PLCL1: variants seen among roughly 807,000 people sequenced by gnomAD.
PLCL1 encodes inactive phospholipase C-like protein 1.
Under a neutral mutation model 84.4 loss-of-function variants are expected in PLCL1, and 41 were observed. The ratio of observed to expected loss-of-function variants is 0.49; its 90% CI spans 0.38 to 0.63. The LOEUF is 0.63. PLCL1 is among the 30% of genes least tolerant of loss of function. The pLI, the probability that PLCL1 is intolerant of heterozygous loss-of-function variation, is 0.00. For missense variants in PLCL1, 1,206 were observed against 1,367.8 expected (o/e 0.88, Z 1.87); for synonymous variants, 490 against 488.3 (o/e 1.00, Z -0.05).
chr2:198,114,270 A>G (rs1213770195), intron 5 of PLCL1, among the ~76,000 whole-genome samples: 1 of 151,862 alleles, frequency 6.6e-6, no homozygotes, highest in Non-Finnish European at 1.5e-5. Context: ...TAGTAGAGAT[A>G]AAAGCCGGGC....
intron 1 of PLCL1, among the ~76,000 whole-genome samples, chr2:198,080,922 G>T (rs1692696362): frequency 6.6e-6 from 1 of 152,172 alleles, no homozygotes; most frequent in African/African-American, 2.4e-5. Context: ...TCTTTTGCAG[G>T]CTAGATGTAA....
intron 1 of PLCL1, among the ~76,000 whole-genome samples, chr2:197,923,880 G>A (rs1688775781): frequency 1.3e-5 from 2 of 151,332 alleles, no homozygotes; most frequent in Non-Finnish European, 3.0e-5. Flanking sequence ...TGAGCACTGA[G>A]TGAACGAGAC....
At chr2:197,830,380 A>C (rs1162749115) in intron 1 of PLCL1, among the ~76,000 whole-genome samples, 1 of 151,900 alleles carries the variant, frequency 6.6e-6, no homozygotes, top group Non-Finnish European at 1.5e-5. Flanking sequence ...AACATACAAA[A>C]GTATCACTAG....
At chr2:197,908,308 A>G (rs1158386011) in intron 1 of PLCL1, among the ~76,000 whole-genome samples, 1 of 152,240 alleles carries the variant, frequency 6.6e-6, no homozygotes, top group Non-Finnish European at 1.5e-5. Flanking sequence ...AAAATAGTAA[A>G]GAATCCCTGC....
intron 1 of PLCL1, among the ~76,000 whole-genome samples, chr2:197,940,582 C>T (rs931906396): frequency 1.3e-5 from 2 of 152,164 alleles, no homozygotes; most frequent in Non-Finnish European, 2.9e-5. Flanking sequence ...GAATGCAGTG[C>T]TGTGACAGAG....
intron 5 of PLCL1, among the ~76,000 whole-genome samples, chr2:198,139,380 T>G (rs978100019): frequency 1.3e-5 from 2 of 152,206 alleles, no homozygotes; most frequent in African/African-American, 4.8e-5. Flanking sequence ...TGTCTCTACA[T>G]TTGCATTATC....
intron 1 of PLCL1, among the ~76,000 whole-genome samples, chr2:198,014,276 T>C (rs1168878077): frequency 6.6e-6 from 1 of 152,112 alleles, no homozygotes; most frequent in Non-Finnish European, 1.5e-5. Flanking sequence ...ATGAAAATTC[T>C]TAGGGTGTAA....
In PLCL1 at chr2:197,954,178, T is replaced by C. The variant is rs1689443555; in HGVS notation, c.241-129580T>C. On this transcript the variant is annotated intron_variant, in intron 1 of 5. Coordinates refer to ENST00000428675, the MANE Select transcript of PLCL1 (RefSeq NM_006226.4). Reference sequence around the variant, plus strand: ...GCATGAAATGCCTTATGTTTTTCCATACCAGCTAAAGGCTCTTGATCCTCT... The same window carrying C: ...GCATGAAATGCCTTATGTTTTTCCACACCAGCTAAAGGCTCTTGATCCTCT... Among the ~76,000 whole-genome samples the C allele has an allele frequency of 3.3e-5, 5 of 152,138 alleles. No homozygotes were observed. The South Asian group carries it at 1.0e-3, about 31-fold the overall frequency.
At chr2:197,885,538 T>G (rs1311354300) in intron 1 of PLCL1, among the ~76,000 whole-genome samples, 1 of 152,212 alleles carries the variant, frequency 6.6e-6, no homozygotes, top group African/African-American at 2.4e-5. Flanking sequence ...AATGCTAATC[T>G]CATCCGGAAA....
chr2:198,092,947 A>G (rs951507412), intron 3 of PLCL1, among the ~76,000 whole-genome samples: 5 of 152,232 alleles, frequency 3.3e-5, no homozygotes, highest in Non-Finnish European at 5.9e-5. Context: ...ATTGTTGGTG[A>G]AAATCGTGTA....
At chr2:198,046,361 C>T (rs1559084846) in intron 1 of PLCL1, among the ~76,000 whole-genome samples, 1 of 152,102 alleles carries the variant, frequency 6.6e-6, no homozygotes, top group African/African-American at 2.4e-5. Flanking sequence ...AATCAAATTA[C>T]CAAGATGCTA....
At chr2:198,083,395 T>TA (rs536591720) in intron 1 of PLCL1, among the ~76,000 whole-genome samples, 2 of 152,146 alleles carry the variant, frequency 1.3e-5, no homozygotes, top group African/African-American at 2.4e-5. Flanking sequence ...AGGAAACCTT[T>TA]AAAAAAATAC....
chr2:197,927,124 A>G (rs1688846858), intron 1 of PLCL1, among the ~76,000 whole-genome samples: 2 of 152,300 alleles, frequency 1.3e-5, no homozygotes, highest in South Asian at 4.2e-4. Flanking sequence ...CATCTTAACC[A>G]CTTTCTATTG....
intron 1 of PLCL1, among the ~76,000 whole-genome samples, chr2:197,810,832 G>A (rs575457359): frequency 5.3e-5 from 8 of 151,406 alleles, no homozygotes; most frequent in African/African-American, 1.9e-4. Flanking sequence ...CCACATTCAG[G>A]AGCAATGTCC....
At chr2:197,825,779 A>C (rs2106421514) in intron 1 of PLCL1, among the ~76,000 whole-genome samples, 1 of 152,306 alleles carries the variant, frequency 6.6e-6, no homozygotes, top group East Asian at 1.9e-4. Context: ...TAACTGTGTG[A>C]TCATAAAATT....
chr2:197,926,205 C>T (rs1012715583), intron 1 of PLCL1, among the ~76,000 whole-genome samples: 3 of 152,140 alleles, frequency 2.0e-5, no homozygotes, highest in African/African-American at 7.2e-5. Flanking sequence ...CTGTAGAGCC[C>T]CAAACCAACC....
chr2:197,973,355 C>T (rs1689907412), intron 1 of PLCL1, among the ~76,000 whole-genome samples: 1 of 152,018 alleles, frequency 6.6e-6, no homozygotes, highest in African/African-American at 2.4e-5. Context: ...TCTGACTGTC[C>T]CAAGTAGGAT....
chr2:197,969,829 G>A lies in PLCL1; in HGVS notation c.241-113929G>A, dbSNP rs1689824103. ...ACTTTTCCTTCCTATTCACTGTGATGGTATGTAGAGATGAAGTCTGAGTCC... is the reference window on the plus strand; with the variant it reads ...ACTTTTCCTTCCTATTCACTGTGATAGTATGTAGAGATGAAGTCTGAGTCC... On this transcript the variant is annotated intron_variant, in intron 1 of 5. Coordinates refer to ENST00000428675, the MANE Select transcript of PLCL1 (RefSeq NM_006226.4). 3.3e-5 allele frequency among the ~76,000 whole-genome samples: 5 copies of A among 152,158 alleles called. No individual in the cohort carries two copies. In the South Asian group the frequency reaches 1.0e-3, roughly 32 times the overall value.
intron 1 of PLCL1, among the ~76,000 whole-genome samples, chr2:197,971,260 T>C (rs1460989934): frequency 3.9e-5 from 6 of 152,212 alleles, no homozygotes; most frequent in African/African-American, 1.4e-4. Flanking sequence ...ATGAAGTCCT[T>C]CTGCAGCATC....
Sources: gnomAD v4.1 joint callset for allele counts (sites outside exome capture counted in the v4.1 genomes callset) on GRCh38, gnomAD v4.1.1 for gene constraint, MANE v1.5 for transcripts, NCBI Gene and HGNC (gene_info 2026-07-23, HGNC 2026-07-21) for gene names.